MALRD1: variants seen among roughly 807,000 people sequenced by gnomAD.
MALRD1 encodes the protein MAM and LDL-receptor class A domain-containing protein 1.
A neutral mutation model predicts 242.1 loss-of-function variants in MALRD1; 247 were observed. The ratio of observed to expected loss-of-function variants is 1.02; its 90% CI spans 0.92 to 1.13. MALRD1 has a LOEUF of 1.13. MALRD1 is among the 50% of genes most tolerant of loss of function. MALRD1 has a pLI of 0.00. For synonymous variants in MALRD1, 995 were observed against 866.6 expected, an observed-to-expected ratio of 1.15 and a Z score of -2.60; for missense variants, 2,989 against 2,533.1, an observed-to-expected ratio of 1.18 and a Z score of -3.86.
chr10:19,471,600 A>G (rs540494059), intron 29 of MALRD1, among the ~76,000 whole-genome samples: 59 of 109,238 alleles, frequency 5.4e-4, no homozygotes, highest in Admixed American at 1.3e-3. Flanking sequence ...CCCTTTTCCT[A>G]TTTTTCTCAG....
intron 28 of MALRD1, among the ~76,000 whole-genome samples, chr10:19,420,704 C>A (rs1481055966): frequency 6.6e-6 from 1 of 151,992 alleles, no homozygotes; most frequent in Non-Finnish European, 1.5e-5. Flanking sequence ...GCTTTGTCTC[C>A]CATGCTGCAA....
At chr10:19,271,393 A>C (rs1444098522) in intron 19 of MALRD1, among the ~76,000 whole-genome samples, 1 of 152,220 alleles carries the variant, frequency 6.6e-6, no homozygotes, top group Non-Finnish European at 1.5e-5. Context: ...CATTCATCTA[A>C]AGTTAAAAAC....
intron 26 of MALRD1, among the ~76,000 whole-genome samples, chr10:19,353,809 C>G (rs185269891): frequency 1.1e-4 from 17 of 152,158 alleles, no homozygotes; most frequent in Non-Finnish European, 1.8e-4. Context: ...ATTATTTGAT[C>G]GTAATAAAAA....
At chr10:19,131,815 A>G (rs982956204) in intron 8 of MALRD1, among the ~76,000 whole-genome samples, 2 of 152,218 alleles carry the variant, frequency 1.3e-5, no homozygotes, top group Admixed American at 1.3e-4. Flanking sequence ...TTTTTAAAAA[A>G]TTATTTACTG....
intron 21 of MALRD1, among the ~76,000 whole-genome samples, chr10:19,318,455 T>C (rs1842791301): frequency 6.6e-6 from 1 of 151,676 alleles, no homozygotes; most frequent in South Asian, 2.1e-4. Context: ...ATATTTGTCC[T>C]TATGATTGCA....
chr10:19,597,076 G>A (rs1409739), intron 34 of MALRD1, among the ~76,000 whole-genome samples: 89,378 of 151,970 alleles, frequency 0.59, 27,072 homozygotes, highest in African/African-American at 0.75. Flanking sequence ...GGTTCGGGCT[G>A]ACAAATTGGT....
chr10:19,709,174 G>A (rs1218770979), intron 38 of MALRD1, among the ~76,000 whole-genome samples: 1 of 148,602 alleles, frequency 6.7e-6, no homozygotes, highest in African/African-American at 2.5e-5. Flanking sequence ...GGGAGGCCAA[G>A]GTGGGAAGAC....
intron 32 of MALRD1, among the ~76,000 whole-genome samples, chr10:19,557,629 C>A (rs188789196): frequency 1.8e-4 from 28 of 152,148 alleles, no homozygotes; most frequent in African/African-American, 5.8e-4. Context: ...ATTCCATTAT[C>A]AGTGTGTCTA....
chr10:19,467,181 C>T (rs554891873), intron 29 of MALRD1, among the ~76,000 whole-genome samples: 3 of 150,324 alleles, frequency 2.0e-5, no homozygotes, highest in South Asian at 2.2e-4. Flanking sequence ...GGTGAAATCC[C>T]ATCTCTACTA....
chr10:19,334,673 G>T (rs1225042962), intron 24 of MALRD1, among the ~76,000 whole-genome samples: 1 of 151,844 alleles, frequency 6.6e-6, no homozygotes, highest in African/African-American at 2.4e-5. Context: ...ATGTGAAAAA[G>T]GGAAAATACT....
At chr10:19,238,889 G>A (rs11009073) in intron 18 of MALRD1, among the ~76,000 whole-genome samples, 32,728 of 150,924 alleles carry the variant, frequency 0.22, 3,696 homozygotes, top group Admixed American at 0.34. Context: ...AACTCTTGTT[G>A]TCTTTTACCT....
At chr10:19,292,333 A>T (rs184770623) in intron 21 of MALRD1, among the ~76,000 whole-genome samples, 1 of 152,024 alleles carries the variant, frequency 6.6e-6, no homozygotes. Context: ...ACACATACCA[A>T]TCTCATGATT....
Position 19,730,743 on chromosome 10 carries a change from C to A in MALRD1, c.6352C>A (p.Pro2118Thr), listed in dbSNP as rs1344147869. 7 of 1,536,592 alleles carry A rather than the reference C, an allele frequency of 4.6e-6. No individual in the cohort carries two copies. The highest frequency in any genetic ancestry group is 6.1e-6 in the Non-Finnish European group (7 of 1,147,020). The change falls in exon 39 of 40, where the codon CCA becomes ACA. Residue 2118 changes from proline (P) to threonine (T), a missense_variant. Pro to Thr is a conservative substitution (Grantham distance 38). Coordinates refer to ENST00000454679, the MANE Select transcript of MALRD1 (RefSeq NM_001142308.3). Reference protein sequence around the residue: ...EGSGNCAFVNPVYGNWSNPEK... With the variant: ...EGSGNCAFVNTVYGNWSNPEK... ...AAGTGGTAACTGTGCCTTTGTCAAT[C>A]CAGTTTACGGGAACTGGAGCAACCC... is the stretch of plus-strand genomic sequence containing the variant.
chr10:19,218,286 C>T (rs1236504981), intron 18 of MALRD1, among the ~76,000 whole-genome samples: 4 of 152,006 alleles, frequency 2.6e-5, no homozygotes, highest in African/African-American at 9.7e-5. Context: ...GTGAATATTA[C>T]TTTGATTTAC....
intron 36 of MALRD1, among the ~76,000 whole-genome samples, chr10:19,634,556 G>A (rs904960051): frequency 2.6e-5 from 4 of 152,170 alleles, no homozygotes; most frequent in African/African-American, 7.2e-5. Context: ...AATTGTATTC[G>A]AAAAGTCATG....
intron 28 of MALRD1, among the ~76,000 whole-genome samples, chr10:19,390,979 G>A (rs1164056910): frequency 6.6e-6 from 1 of 152,166 alleles, no homozygotes; most frequent in Non-Finnish European, 1.5e-5. Context: ...TGTGATACTT[G>A]ATTCTATGGT....
chr10:19,624,878 G>GAAAAAAAAAAAAAAAAA (rs145042762), intron 36 of MALRD1, among the ~76,000 whole-genome samples: 2 of 119,948 alleles, frequency 1.7e-5, no homozygotes, highest in Non-Finnish European at 1.7e-5. Flanking sequence ...CTCAAAAAAG[G>GAAAAAAAAAAAAAAAAA]AAAAAAAAAA....
At chr10:19,374,203 T>C (rs1845504937) in intron 26 of MALRD1, among the ~76,000 whole-genome samples, 1 of 152,230 alleles carries the variant, frequency 6.6e-6, no homozygotes, top group African/African-American at 2.4e-5. Flanking sequence ...ACTGCATGCA[T>C]AGTACAATGA....
At chr10:19,518,020 G>A (rs1472460572) in intron 31 of MALRD1, among the ~76,000 whole-genome samples, 1 of 152,198 alleles carries the variant, frequency 6.6e-6, no homozygotes, top group Non-Finnish European at 1.5e-5. Flanking sequence ...GTTTGAGCAA[G>A]TTTTTATGAG....
Sources: allele counts gnomAD v4.1 joint callset (sites outside exome capture counted in the v4.1 genomes callset), GRCh38; gene constraint gnomAD v4.1.1; transcripts MANE v1.5; gene names NCBI Gene and HGNC (gene_info 2026-07-23, HGNC 2026-07-21).